FRY: variants seen among roughly 807,000 people sequenced by gnomAD.
The protein encoded by FRY is protein furry homolog.
In FRY, 128 loss-of-function variants were observed where a neutral mutation model predicts 348.4. The observed-to-expected ratio is 0.37, with a 90% CI of 0.32 to 0.43. The LOEUF (loss-of-function observed/expected upper bound fraction) is 0.43, where lower values mean the gene tolerates loss of function less well. Among genes scored for constraint, FRY ranks in the 20% least tolerant of loss-of-function variants. The pLI is 1.00. For missense variants in FRY, 2,736 were observed against 3,695.2 expected, an observed-to-expected ratio of 0.74 and a Z score of 6.73; for synonymous variants, 1,370 against 1,374.7, an observed-to-expected ratio of 1.00 and a Z score of 0.08.
chr13:32,157,015 T>C (rs998827365), intron 15 of FRY, among the ~76,000 whole-genome samples: 1 of 152,234 alleles, frequency 6.6e-6, no homozygotes, highest in African/African-American at 2.4e-5. Context: ...CTTATTATTT[T>C]AACTCTTCTG....
intron 39 of FRY, among the ~76,000 whole-genome samples, chr13:32,226,625 C>T (rs531571855): frequency 1.3e-3 from 191 of 152,292 alleles, no homozygotes; most frequent in African/African-American, 4.4e-3. Flanking sequence ...ATGAAGATTA[C>T]CAACTAACAG....
intron 14 of FRY, among the ~76,000 whole-genome samples, chr13:32,153,716 G>T (rs1203029653): frequency 6.6e-6 from 1 of 152,128 alleles, no homozygotes; most frequent in Non-Finnish European, 1.5e-5. Flanking sequence ...TAAAAAAATA[G>T]AGTGGGGATT....
At chr13:32,277,473 C>A (rs1888586640) in intron 57 of FRY, among the ~76,000 whole-genome samples, 1 of 152,172 alleles carries the variant, frequency 6.6e-6, no homozygotes, top group Non-Finnish European at 1.5e-5. Flanking sequence ...CTCACAACTA[C>A]CCTGAGAGTT....
At chr13:32,093,849 T>C (rs2138597486) in intron 2 of FRY, among the ~76,000 whole-genome samples, 1 of 152,348 alleles carries the variant, frequency 6.6e-6, no homozygotes, top group East Asian at 1.9e-4. Flanking sequence ...TCAGAATGAT[T>C]TTGTGAAAAT....
At position 32,209,644 on chromosome 13, in the gene FRY, T is replaced by C. The variant is rs1331347143; in HGVS notation, c.4335T>C (p.Asn1445=). 1.9e-6 allele frequency: 3 copies of C among 1,613,552 alleles called. No homozygotes were observed. Among genetic ancestry groups the C allele is most frequent in the Non-Finnish European group, 2.5e-6 (3 of 1,179,610 alleles). Residue 1445 remains asparagine, a synonymous_variant, in exon 33 of 61, where the codon AAT becomes AAC. Coordinates refer to ENST00000542859, the MANE Select transcript of FRY (RefSeq NM_023037.3). ...ATGCTTGGAATGCTTTAGCCAACAA[T>C]GAGAAATGGAGCAACAACCTGAGGA... is the stretch of plus-strand genomic sequence containing the variant. ...MENAWNALAN[N]EKWSNNLRIT...
intron 28 of FRY, among the ~76,000 whole-genome samples, chr13:32,187,979 TC>T (rs1440979397): frequency 1.3e-5 from 2 of 152,120 alleles, no homozygotes; most frequent in African/African-American, 4.8e-5. Context: ...AAAAAATACT[TC>T]CTGATAACCA....
chr13:32,126,960 A>G (rs1374246806), intron 7 of FRY, among the ~76,000 whole-genome samples: 2 of 152,166 alleles, frequency 1.3e-5, no homozygotes, highest in African/African-American at 2.4e-5. Context: ...AGCTATTAGT[A>G]CTTACTTTGG....
chr13:32,228,481 C>A lies in FRY; in HGVS notation c.5232C>A (p.Asp1744Glu). 6.2e-7 allele frequency: 1 copy of A among 1,612,516 alleles called. No homozygotes were observed. The highest frequency in any genetic ancestry group is 8.5e-7 in the Non-Finnish European group (1 of 1,179,722). Residue 1744 changes from aspartate to glutamate, a missense_variant, in exon 40 of 61, where the codon GAC (aspartate) becomes GAA (glutamate). Transcript: ENST00000542859. ...YTGGFDFLRE[D>E]QSSPVPDSGL... Reference sequence around the variant, plus strand: ...GTGGCTTTGACTTCCTGAGAGAGGACCAGTCATCCCCGGTGCCTGACTCAG... The same window carrying A: ...GTGGCTTTGACTTCCTGAGAGAGGAACAGTCATCCCCGGTGCCTGACTCAG...
Position 32,237,297 on chromosome 13 carries a change from G to C in FRY, c.5811-82G>C. The stretch of plus-strand genomic sequence containing the variant: ...TCTAAAGAATGATTTCCCTCCTGCA[G>C]TGTTTCTCAGTGGACTTGAAAGGAC... On this transcript the variant is annotated intron_variant, in intron 43 of 60. Coordinates refer to ENST00000542859, the MANE Select transcript of FRY (RefSeq NM_023037.3). This position sits in a 1 kb window ranked among gnomAD's most constrained non-coding sequence, Gnocchi z 6.3. The C allele has an allele frequency of 4.6e-6, 6 of 1,304,274 alleles. No homozygotes were observed. Among genetic ancestry groups the C allele is most frequent in the Non-Finnish European group, 5.5e-6 (5 of 907,802 alleles). 80.8% of individuals were successfully genotyped at this position (1,304,274 alleles called of 1,614,324 possible).
intron 48 of FRY, among the ~76,000 whole-genome samples, chr13:32,249,296 GA>G (rs948083578): frequency 2.0e-5 from 3 of 150,860 alleles, no homozygotes; most frequent in African/African-American, 4.9e-5. Context: ...GCATATTAAA[GA>G]ACAAGCAGTT....
intron 53 of FRY, among the ~76,000 whole-genome samples, chr13:32,262,877 C>T (rs1003866705): frequency 6.6e-6 from 1 of 152,058 alleles, no homozygotes; most frequent in Admixed American, 6.6e-5. Flanking sequence ...GAATTTTTTC[C>T]TTTGTAGGAA....
Position 32,147,054 on chromosome 13 carries a change from C to T in FRY, c.1180-228C>T, listed in dbSNP as rs1880502160. Among the ~76,000 whole-genome samples the T allele has an allele frequency of 2.0e-5, 3 of 152,102 alleles. No individual in the cohort carries two copies. In the South Asian group the frequency reaches 6.2e-4, roughly 32 times the overall value. On this transcript the variant is annotated intron_variant, in intron 11 of 60. Coordinates refer to ENST00000542859, the MANE Select transcript of FRY (RefSeq NM_023037.3). Reference sequence around the variant, plus strand: ...GCAAAGGAGAAAATGACATGGCTTCCCCCAGAATTAATCTGTCCCACCGTT... The same window carrying T: ...GCAAAGGAGAAAATGACATGGCTTCTCCCAGAATTAATCTGTCCCACCGTT...
intron 43 of FRY, 114 bp downstream of exon 43, chr13:32,236,286 A>G: frequency 1.3e-6 from 1 of 780,322 alleles, no homozygotes; most frequent in Non-Finnish European, 2.2e-6. Flanking sequence ...AAGTATATTT[A>G]TGACCTGAAA....
chr13:32,070,459 G>C (rs555113133), intron 1 of FRY, among the ~76,000 whole-genome samples: 1 of 152,136 alleles, frequency 6.6e-6, no homozygotes, highest in African/African-American at 2.4e-5. Flanking sequence ...GCATTTCTCT[G>C]ATAACCAGTG....
Position 32,249,514 on chromosome 13 carries a change from C to G in FRY, c.7009-12C>G. 1 of 1,613,926 alleles carries G rather than the reference C, an allele frequency of 6.2e-7. No individual in the cohort carries two copies. Among genetic ancestry groups the G allele is most frequent in the Non-Finnish European group, 8.5e-7 (1 of 1,179,946 alleles). ...TTGAGACAGAATAATGTGCGTTTGT[C>G]TTCTTCTCAAGACTCCAATCATCGG... On this transcript the variant is annotated splice_polypyrimidine_tract_variant and intron_variant, in intron 48 of 60. Transcript: ENST00000542859.
In FRY at chr13:32,146,367, C is replaced by T. The variant is rs573986943; in HGVS notation, c.1180-915C>T. On this transcript the variant is annotated intron_variant, in intron 11 of 60. Transcript: ENST00000542859. ...TTCTGTTTTTTTTGAGACAGAGTCT[C>T]GCTCTGTCGCCCAGGCTGGAGCGCA... Among the ~76,000 whole-genome samples, 11 of 152,194 alleles carry T rather than the reference C, an allele frequency of 7.2e-5. No individual in the cohort carries two copies. The South Asian group carries it at 8.3e-4, about 11-fold the overall frequency.
At chr13:32,170,615 C>T (rs1882003125) in intron 17 of FRY, among the ~76,000 whole-genome samples, 5 of 152,218 alleles carry the variant, frequency 3.3e-5, no homozygotes, top group Admixed American at 3.3e-4. Flanking sequence ...TGGCTCACTG[C>T]AACCTCAGCC....
intron 2 of FRY, among the ~76,000 whole-genome samples, chr13:32,096,662 G>A (rs1426914327): frequency 2.0e-5 from 3 of 151,860 alleles, no homozygotes; most frequent in Non-Finnish European, 2.9e-5. Flanking sequence ...ATGGTGGCAC[G>A]TGCCTGTAAT....
chr13:32,262,594 C>A (rs2138547695), intron 53 of FRY, 119 bp downstream of exon 53: 1 of 776,090 alleles, frequency 1.3e-6, no homozygotes, highest in Non-Finnish European at 2.2e-6. Context: ...TTATCTTTTT[C>A]TTTCTCTCTT....
Sources: gnomAD v4.1 joint callset for allele counts (sites outside exome capture counted in the v4.1 genomes callset) on GRCh38, gnomAD v4.1.1 for gene constraint, Gnocchi (gnomAD v3.1) non-coding constraint, MANE v1.5 for transcripts, NCBI Gene and HGNC (gene_info 2026-07-23, HGNC 2026-07-21) for gene names.